NAAA: variants seen among roughly 807,000 people sequenced by gnomAD.
NAAA encodes the protein N-acylethanolamine-hydrolyzing acid amidase.
NAAA carries 39 observed loss-of-function variants against 44.8 expected under a neutral mutation model. That is an observed-to-expected ratio of 0.87 (90% CI 0.67 to 1.14). NAAA has a LOEUF of 1.14. Among genes scored for constraint, NAAA ranks in the 50% most tolerant of loss-of-function variants. The pLI, the probability that NAAA is intolerant of heterozygous loss-of-function variation, is 0.00. For synonymous variants in NAAA, 178 were observed against 191.3 expected, an observed-to-expected ratio of 0.93 and a Z score of 0.58; for missense variants, 460 against 467.8, an observed-to-expected ratio of 0.98 and a Z score of 0.15.
Position 75,940,886 on chromosome 4 carries a change from C to G in NAAA, c.64G>C (p.Gly22Arg), listed in dbSNP as rs1012181563. The G allele has an allele frequency of 6.4e-7, 1 of 1,554,652 alleles. No homozygotes were observed. The change falls in exon 1 of 11, where the codon GGG (glycine) becomes CGG (arginine). Residue 22 changes from glycine to arginine, a missense_variant. Transcript: ENST00000286733. ...LPSLLLLLLA[G>R]AGLSAASPPA... ...GGCGAGGCGGCTGACAGCCCGGCCC[C>G]GGCCAGCAGCAGCAGCAGCAGGGAC...
Position 75,940,002 on chromosome 4 carries a change from C to A in NAAA, c.370G>T (p.Val124Leu). 6.2e-7 allele frequency: 1 copy of A among 1,613,620 alleles called. No individual in the cohort carries two copies. The highest frequency in any genetic ancestry group is 8.5e-7 in the Non-Finnish European group (1 of 1,179,920). The stretch of plus-strand genomic sequence containing the variant: ...TCCGCGCGGGCTTGGGGCACTCACA[C>A]GGAGGACTCGTAGGCCAGGTTGACC... ...LLVNLAYESS[V>L]FCTSIVAQDS... is the part of the protein sequence containing the mutation. The change falls in exon 2 of 11, where the codon GTG (valine) becomes TTG (leucine). Residue 124 changes from valine (V) to leucine (L), a missense_variant and splice_region_variant. Val to Leu is a conservative substitution (Grantham distance 32). Coordinates refer to ENST00000286733, the MANE Select transcript of NAAA (RefSeq NM_014435.4).
chr4:75,911,352 C>A, downstream of NAAA: 1 of 503,570 alleles, frequency 2.0e-6, no homozygotes, highest in South Asian at 1.5e-5. Context: ...TCTTCTTGCT[C>A]ACTGCACAGA....
chr4:75,920,193 G>A (rs527575797), intron 7 of NAAA, among the ~76,000 whole-genome samples: 1 of 152,290 alleles, frequency 6.6e-6, no homozygotes, highest in Non-Finnish European at 1.5e-5. Flanking sequence ...CCAGAAAGCT[G>A]GGATGATGAA....
At position 75,936,134 on chromosome 4, in the gene NAAA, T is replaced by C. The variant is rs1727692495; in HGVS notation, c.473A>G (p.Asp158Gly). 1 of 1,613,992 alleles carries C rather than the reference T, an allele frequency of 6.2e-7. No individual in the cohort carries two copies. Among genetic ancestry groups the C allele is most frequent in the African/African-American group, 1.3e-5 (1 of 74,928 alleles). The change falls in exon 3 of 11, where the codon GAT becomes GGT. Residue 158 changes from aspartate to glycine, a missense_variant. Coordinates refer to ENST00000286733, the MANE Select transcript of NAAA (RefSeq NM_014435.4). ...FGNVLRKLTV[D>G]VQFLKNGQIA... The stretch of plus-strand genomic sequence containing the variant: ...CTGCCCATTCTTTAAGAATTGCACA[T>C]CCACTGTCAGCTTGCGTAAGACATT...
At chr4:75,940,514 C>T (rs1354855927) in intron 1 of NAAA, among the ~76,000 whole-genome samples, 1 of 152,250 alleles carries the variant, frequency 6.6e-6, no homozygotes, top group South Asian at 2.1e-4. Context: ...CACGCTGACC[C>T]GGAATGGCTC....
Position 75,914,876 on chromosome 4 carries a change from G to A in NAAA, c.*28C>T, listed in dbSNP as rs368878584. On this transcript the variant is annotated 3_prime_UTR_variant, in exon 10 of 11. Transcript: ENST00000286733. Reference sequence around the variant, plus strand: ...AAACAGTAACAACAAACCTTTCACAGCACGGGCGAACTCGCTCTTCTGCTG... The same window carrying A: ...AAACAGTAACAACAAACCTTTCACAACACGGGCGAACTCGCTCTTCTGCTG... The A allele has an allele frequency of 8.9e-5, 144 of 1,612,392 alleles. No individual in the cohort carries two copies. The African/African-American group carries it at 1.8e-3, about 20-fold the overall frequency.
At chr4:75,929,350 T>C (rs1000461105) in intron 4 of NAAA, among the ~76,000 whole-genome samples, 1 of 152,070 alleles carries the variant, frequency 6.6e-6, no homozygotes, top group African/African-American at 2.4e-5. Context: ...ATATCACAGC[T>C]CATTGCAGCC....
At chr4:75,910,674 T>C (rs1426096274), downstream of NAAA, among the ~76,000 whole-genome samples, 1 of 152,226 alleles carries the variant, frequency 6.6e-6, no homozygotes, top group South Asian at 2.1e-4. Flanking sequence ...AATTCTGAGA[T>C]AGCTGACTAT....
chr4:75,939,870 A>C, intron 2 of NAAA, 131 bp downstream of exon 2: 1 of 997,268 alleles, frequency 1.0e-6, no homozygotes. Flanking sequence ...GCAAAGAGGA[A>C]GCGCTGGAGG....
At chr4:75,919,752 A>T in intron 8 of NAAA, 157 bp downstream of exon 8, 2 of 714,126 alleles carry the variant, frequency 2.8e-6, no homozygotes. Context: ...TGCTGGGATT[A>T]CAGGTGTGAG....
Position 75,913,764 on chromosome 4 carries a change from A to C in NAAA, c.*611T>G. On this transcript the variant is annotated 3_prime_UTR_variant, in exon 11 of 11. Coordinates refer to ENST00000286733, the MANE Select transcript of NAAA (RefSeq NM_014435.4). ...ATTTGGTTGCATATTATTTTCAAAA[A>C]GCAGTAAGAAAGTAGCTATTGAGAA... is the stretch of plus-strand genomic sequence containing the variant. 1.0e-6 allele frequency: 1 copy of C among 982,936 alleles called. No homozygotes were observed. Among genetic ancestry groups the C allele is most frequent in the Non-Finnish European group, 1.2e-6 (1 of 827,722 alleles). The allele number at this position is 982,936 out of a possible 1,614,324, so 60.9% of individuals were successfully genotyped here.
intron 5 of NAAA, among the ~76,000 whole-genome samples, chr4:75,924,371 A>T (rs953357213): frequency 4.6e-5 from 7 of 152,242 alleles, no homozygotes; most frequent in African/African-American, 1.4e-4. Flanking sequence ...GATAATTGAG[A>T]CAGTTACTAG....
chr4:75,927,645 C>T (rs1348462711), intron 4 of NAAA, among the ~76,000 whole-genome samples: 13 of 97,192 alleles, frequency 1.3e-4, no homozygotes, highest in Admixed American at 5.3e-4. Flanking sequence ...CCCCCCCCCC[C>T]CCGCCAAAAA....
chr4:75,920,927 A>T, intron 6 of NAAA, 24 bp downstream of exon 6: 1 of 1,613,652 alleles, frequency 6.2e-7, no homozygotes, highest in Non-Finnish European at 8.5e-7. Context: ...ATACAAAATG[A>T]CCAGAGCTTT....
chr4:75,940,594 C>T (rs1728179306), intron 1 of NAAA, 150 bp downstream of exon 1: 1 of 899,538 alleles, frequency 1.1e-6, no homozygotes. Context: ...CTCCCCAACC[C>T]GGACGCTGCT....
At chr4:75,932,229 CAAAAA>C (rs1245365562) in intron 3 of NAAA, among the ~76,000 whole-genome samples, 2 of 151,850 alleles carry the variant, frequency 1.3e-5, no homozygotes, top group African/African-American at 4.8e-5. Flanking sequence ...AACTCTGTCT[CAAAAA>C]TAAAATAAAA....
At chr4:75,929,329 C>T (rs1727026860) in intron 4 of NAAA, among the ~76,000 whole-genome samples, 1 of 152,090 alleles carries the variant, frequency 6.6e-6, no homozygotes, top group Non-Finnish European at 1.5e-5. Flanking sequence ...CCCATAATGT[C>T]CAGAGACTTA....
chr4:75,911,096 G>A (rs1394314596), downstream of NAAA, among the ~76,000 whole-genome samples: 2 of 151,936 alleles, frequency 1.3e-5, no homozygotes, highest in Non-Finnish European at 2.9e-5. Flanking sequence ...CAAGGGCGGG[G>A]GAATATCACA....
intron 3 of NAAA, 32 bp from the exon 4 acceptor site, chr4:75,931,336 C>T (rs1018171687): frequency 4.6e-6 from 7 of 1,520,356 alleles, no homozygotes; most frequent in Non-Finnish European, 6.4e-6. Flanking sequence ...GATCATTTCA[C>T]CATTCCAATC....
Sources: allele counts gnomAD v4.1 joint callset (sites outside exome capture counted in the v4.1 genomes callset), GRCh38; gene constraint gnomAD v4.1.1; transcripts MANE v1.5; gene names NCBI Gene and HGNC (gene_info 2026-07-23, HGNC 2026-07-21).